CDH23: variants seen among roughly 807,000 people sequenced by gnomAD.
CDH23 encodes cadherin-23.
CDH23 carries 189 observed loss-of-function variants against 317.1 expected under a neutral mutation model. The ratio of observed to expected loss-of-function variants is 0.60; its 90% CI spans 0.53 to 0.67. The LOEUF (loss-of-function observed/expected upper bound fraction) is 0.67, where lower values mean the gene tolerates loss of function less well. Ranked by LOEUF, CDH23 falls within the 30% of genes least tolerant of loss-of-function variation. The probability of loss-of-function intolerance (pLI) is 0.00; values close to 1 mark genes in which losing one functional copy is unlikely to be tolerated. For synonymous variants in CDH23, 1,839 were observed against 1,876.8 expected (o/e 0.98, Z 0.52); for missense variants, 4,401 against 4,592.4 (o/e 0.96, Z 1.20).
chr10:71,668,935 G>A (rs1612048), intron 14 of CDH23, among the ~76,000 whole-genome samples: 101,265 of 152,190 alleles, frequency 0.67, 34,640 homozygotes, highest in East Asian at 0.82. Flanking sequence ...TTGCAGATGC[G>A]ATTATAAAGG....
intron 66 of CDH23, 105 bp from the exon 67 acceptor site, chr10:71,812,369 GAAAGGC>G: frequency 6.2e-7 from 1 of 1,601,720 alleles, no homozygotes; most frequent in African/African-American, 1.3e-5. Flanking sequence ...CCAAGTCAGT[GAAAGGC>G]ACTATATGGC....
intron 51 of CDH23, 94 bp downstream of exon 51, chr10:71,799,374 C>T: frequency 3.7e-6 from 6 of 1,603,798 alleles, no homozygotes; most frequent in Non-Finnish European, 4.3e-6. Context: ...GCCTCTAAGC[C>T]CCCTGGGAGT....
At chr10:71,592,977 C>G (rs977489760) in intron 9 of CDH23, among the ~76,000 whole-genome samples, 8 of 152,154 alleles carry the variant, frequency 5.3e-5, no homozygotes, top group Non-Finnish European at 1.2e-4. Flanking sequence ...CTAGAGGGGT[C>G]AGATTGGCCA....
chr10:71,684,440 CT>C lies in CDH23; in HGVS notation c.1986+1869del, dbSNP rs1012960314. On this transcript the variant is annotated intron_variant, in intron 18 of 69. Transcript: ENST00000224721. ...GAATGTGCAGCCTGCTCCACCCCCC[CT>C]GGAGACACCAAGTGGAAAGAGGGGT... Among the ~76,000 whole-genome samples the C allele has an allele frequency of 1.2e-3, 181 of 152,144 alleles. 1 individual carries two copies. The highest frequency in any genetic ancestry group is 6.8e-3 in the Middle Eastern group (2 of 294).
In CDH23 at chr10:71,723,901, C is replaced by T. The variant is rs1438884440; in HGVS notation, c.3370-144C>T. 3.4e-6 allele frequency: 3 copies of T among 887,894 alleles called. No individual in the cohort carries two copies. In the African/African-American group the frequency reaches 5.0e-5, roughly 15 times the overall value. 55.0% of individuals were successfully genotyped at this position (887,894 alleles called of 1,614,324 possible). A position where few individuals can be genotyped will look rare whatever the true frequency, so the allele number is the denominator to read the frequency against. On this transcript the variant is annotated intron_variant, in intron 28 of 69. Coordinates refer to ENST00000224721, the MANE Select transcript of CDH23 (RefSeq NM_022124.6). ...GAAAGACATACACGTCCCCTTGTCT[C>T]CCACACCCCCAGCCTCTGAGGGAGA...
intron 3 of CDH23, among the ~76,000 whole-genome samples, chr10:71,504,482 C>T (rs897903475): frequency 6.6e-6 from 1 of 152,214 alleles, no homozygotes; most frequent in Admixed American, 6.5e-5. Flanking sequence ...GGATCGCTTC[C>T]CCCTTCTTGG....
chr10:71,783,603 C>G (rs1303280362), intron 41 of CDH23, among the ~76,000 whole-genome samples: 1 of 152,212 alleles, frequency 6.6e-6, no homozygotes, highest in African/African-American at 2.4e-5. Context: ...GCCCTGCAGC[C>G]CAGCCAAGAA....
At chr10:71,664,586 G>C (rs1302589031) in intron 14 of CDH23, among the ~76,000 whole-genome samples, 1 of 152,222 alleles carries the variant, frequency 6.6e-6, no homozygotes, top group Non-Finnish European at 1.5e-5. Flanking sequence ...GACAAAGAGA[G>C]CTTGTAGAAC....
chr10:71,705,100 A>G lies in CDH23; in HGVS notation c.2923A>G (p.Lys975Glu). Residue 975 changes from lysine (K) to glutamate (E), a missense_variant, in exon 25 of 70, where the codon AAG (lysine) becomes GAG (glutamate). Around this residue, in one of 3 missense-constraint regions of CDH23, gnomAD observed 3,068 missense variants for 3,203.3 expected, o/e 0.96. Transcript: ENST00000224721. Reference sequence around the variant, plus strand: ...GGCCAGTGATGCAGGCACGCCCACCAAGAGCTCCACCAGCACGCTCACCAT... The same window carrying G: ...GGCCAGTGATGCAGGCACGCCCACCGAGAGCTCCACCAGCACGCTCACCAT... ...VVASDAGTPT[K>E]SSTSTLTIHV... 1 of 1,609,398 alleles carries G rather than the reference A, an allele frequency of 6.2e-7. No homozygotes were observed. Among genetic ancestry groups the G allele is most frequent in the Non-Finnish European group, 8.5e-7 (1 of 1,178,458 alleles).
At chr10:71,565,134 T>C (rs951552838) in intron 6 of CDH23, among the ~76,000 whole-genome samples, 1 of 151,714 alleles carries the variant, frequency 6.6e-6, no homozygotes, top group Non-Finnish European at 1.5e-5. Context: ...TTCTGTGTGA[T>C]CTAGAAAGAG....
chr10:71,798,509 G>T lies in CDH23; in HGVS notation c.6985G>T (p.Gly2329Trp). ...AAVDPDKGLN[G>W]LVTYTLLDLV... ...CGTGGACCCTGACAAGGGCCTTAAT[G>T]GGCTGGTCACCTACACCCTGCTGGA... The change falls in exon 50 of 70, where the codon GGG (glycine) becomes TGG (tryptophan). Residue 2329 changes from glycine (G) to tryptophan (W), a missense_variant. Coordinates refer to ENST00000224721, the MANE Select transcript of CDH23 (RefSeq NM_022124.6). 1 of 1,613,948 alleles carries T rather than the reference G, an allele frequency of 6.2e-7. No homozygotes were observed. The highest frequency in any genetic ancestry group is 8.5e-7 in the Non-Finnish European group (1 of 1,179,846).
chr10:71,557,058 C>T lies in CDH23; in HGVS notation c.430-9684C>T, dbSNP rs1030731333. Among the ~76,000 whole-genome samples the T allele has an allele frequency of 2.6e-5, 4 of 152,200 alleles. No individual in the cohort carries two copies. The South Asian group carries it at 6.2e-4, about 24-fold the overall frequency. ...ATGTCCTACTCTTAACATACATACACCCTACATAAACACCCTTCTCTTAAC... is the reference window on the plus strand; with the variant it reads ...ATGTCCTACTCTTAACATACATACATCCTACATAAACACCCTTCTCTTAAC... On this transcript the variant is annotated intron_variant, in intron 6 of 69. Coordinates refer to ENST00000224721, the MANE Select transcript of CDH23 (RefSeq NM_022124.6).
chr10:71,735,901 C>T (rs914332497), intron 34 of CDH23, among the ~76,000 whole-genome samples: 4 of 152,320 alleles, frequency 2.6e-5, no homozygotes, highest in East Asian at 1.9e-4. Context: ...CAGTGGGTGC[C>T]GAGCCACCTG....
At chr10:71,643,174 A>G (rs761128539) in intron 11 of CDH23, among the ~76,000 whole-genome samples, 1 of 152,196 alleles carries the variant, frequency 6.6e-6, no homozygotes, top group Non-Finnish European at 1.5e-5. Flanking sequence ...AGCAATGTGC[A>G]TAGCATGCTG....
intron 6 of CDH23, among the ~76,000 whole-genome samples, chr10:71,541,518 G>A (rs147654205): frequency 3.1e-4 from 47 of 152,350 alleles, no homozygotes; most frequent in Non-Finnish European, 5.4e-4. Context: ...TGGACATTGA[G>A]GAGCACTGTG....
rs557172908 is a variant in CDH23 at position 71,584,675 on chromosome 10, G to T, written c.832+6683G>T. ...GGCCTCTGGCCATGGCCTAGTGGGGGACAGCTATCATAGGAGACCATCGTG... is the reference window on the plus strand; with the variant it reads ...GGCCTCTGGCCATGGCCTAGTGGGGTACAGCTATCATAGGAGACCATCGTG... On this transcript the variant is annotated intron_variant, in intron 9 of 69. Transcript: ENST00000224721. Among the ~76,000 whole-genome samples, 26 of 152,248 alleles carry T rather than the reference G, an allele frequency of 1.7e-4. 1 individual carries two copies. In the South Asian group the frequency reaches 5.4e-3, roughly 32 times the overall value.
chr10:71,736,087 G>A (rs1167387023), intron 34 of CDH23, among the ~76,000 whole-genome samples: 3 of 152,256 alleles, frequency 2.0e-5, no homozygotes, highest in Non-Finnish European at 4.4e-5. Flanking sequence ...ATGGAAAGGA[G>A]GTCCCCCTGC....
At chr10:71,630,747 G>A (rs533983954) in intron 11 of CDH23, among the ~76,000 whole-genome samples, 10 of 152,304 alleles carry the variant, frequency 6.6e-5, no homozygotes, top group African/African-American at 2.2e-4. Context: ...TCGGTGAGGG[G>A]CTGCCTCATA....
At chr10:71,680,406 C>T (rs974834993) in intron 17 of CDH23, among the ~76,000 whole-genome samples, 8 of 152,154 alleles carry the variant, frequency 5.3e-5, no homozygotes, top group Non-Finnish European at 1.0e-4. Flanking sequence ...AGTGGTCATT[C>T]CTCCCACTAC....
Sources: allele counts gnomAD v4.1 joint callset (sites outside exome capture counted in the v4.1 genomes callset), GRCh38; gene constraint gnomAD v4.1.1; regional missense constraint gnomAD v4.1.1; transcripts MANE v1.5; gene names NCBI Gene and HGNC (gene_info 2026-07-23, HGNC 2026-07-21).